The following PTPRD variants were observed in gnomAD, a reference collection of about 807,000 sequenced individuals.
PTPRD encodes receptor-type tyrosine-protein phosphatase delta.
Under a neutral mutation model 214.5 loss-of-function variants are expected in PTPRD, and 34 were observed. The ratio of observed to expected loss-of-function variants is 0.16; its 90% CI spans 0.12 to 0.21. The LOEUF (loss-of-function observed/expected upper bound fraction) is 0.21, where lower values mean the gene tolerates loss of function less well. Ranked by LOEUF, PTPRD falls within the 10% of genes least tolerant of loss-of-function variation. The pLI, the probability that PTPRD is intolerant of heterozygous loss-of-function variation, is 1.00. For synonymous variants in PTPRD, 1,128 were observed against 845.7 expected, an observed-to-expected ratio of 1.33 and a Z score of -5.79; for missense variants, 2,545 against 2,398.7, an observed-to-expected ratio of 1.06 and a Z score of -1.27.
chr9:9,328,148 C>A (rs1391219110), intron 9 of PTPRD, among the ~76,000 whole-genome samples: 1 of 151,936 alleles, frequency 6.6e-6, no homozygotes, highest in Non-Finnish European at 1.5e-5. Context: ...CATGACAAAT[C>A]AAAAATTTAA....
intron 9 of PTPRD, among the ~76,000 whole-genome samples, chr9:9,373,951 T>C (rs534086233): frequency 3.3e-5 from 5 of 152,202 alleles, no homozygotes; most frequent in Admixed American, 2.0e-4. Context: ...AAATATTTTC[T>C]CTTAATGTGT....
chr9:9,583,343 C>A lies in PTPRD; in HGVS notation c.-286-8562G>T, dbSNP rs1264776462. On this transcript the variant is annotated intron_variant, in intron 7 of 45. Transcript: ENST00000381196. ...TTAGGCATTACTACTCAGAAAAATGCCGCTCTAAATTATTCAAAACACTAA... is the reference window on the plus strand; with the variant it reads ...TTAGGCATTACTACTCAGAAAAATGACGCTCTAAATTATTCAAAACACTAA... Among the ~76,000 whole-genome samples, 6 of 151,948 alleles carry A rather than the reference C, an allele frequency of 3.9e-5. 1 individual carries two copies. Among genetic ancestry groups the A allele is most frequent in the South Asian group, 4.1e-4 (2 of 4,826 alleles).
At chr9:8,485,481 C>T (rs769487940) in intron 28 of PTPRD, 157 bp from the exon 29 acceptor site, 2 of 627,598 alleles carry the variant, frequency 3.2e-6, no homozygotes, top group Non-Finnish European at 5.5e-6. Context: ...CATTTTAATA[C>T]CCCATTCTCA....
chr9:9,420,116 T>G (rs1587906423), intron 8 of PTPRD, among the ~76,000 whole-genome samples: 1 of 122,268 alleles, frequency 8.2e-6, no homozygotes, highest in East Asian at 2.3e-4. Context: ...ACTATAATAT[T>G]TATAAAATTT....
chr9:8,961,941 A>T (rs183797560), intron 11 of PTPRD, among the ~76,000 whole-genome samples: 1 of 152,152 alleles, frequency 6.6e-6, no homozygotes, highest in Non-Finnish European at 1.5e-5. Context: ...AGCAATAATT[A>T]TATAGGAATA....
chr9:8,944,673 A>C (rs1455639770), intron 11 of PTPRD, among the ~76,000 whole-genome samples: 1 of 152,140 alleles, frequency 6.6e-6, no homozygotes, highest in Non-Finnish European at 1.5e-5. Context: ...TTGCATGTTC[A>C]CACTCATTTG....
intron 8 of PTPRD, among the ~76,000 whole-genome samples, chr9:9,438,619 T>C (rs2086255548): frequency 6.6e-6 from 1 of 152,182 alleles, no homozygotes; most frequent in Non-Finnish European, 1.5e-5. Flanking sequence ...TGGACTATGA[T>C]GCCGAGCTTT....
intron 8 of PTPRD, among the ~76,000 whole-genome samples, chr9:9,400,485 G>A (rs1236930041): frequency 1.3e-5 from 2 of 151,816 alleles, no homozygotes; most frequent in African/African-American, 2.4e-5. Flanking sequence ...ACGTATAATT[G>A]TTAACTGTGG....
At chr9:9,299,786 G>A (rs571673314) in intron 9 of PTPRD, among the ~76,000 whole-genome samples, 8 of 151,144 alleles carry the variant, frequency 5.3e-5, no homozygotes, top group East Asian at 2.0e-4. Flanking sequence ...GAAAAGACAC[G>A]CATGTGGGAT....
chr9:10,189,724 G>C (rs565836757), intron 3 of PTPRD, among the ~76,000 whole-genome samples: 9 of 152,080 alleles, frequency 5.9e-5, no homozygotes, highest in African/African-American at 2.2e-4. Context: ...GCAATTACAA[G>C]GCACTATAAG....
chr9:9,104,869 A>G (rs10977497), intron 10 of PTPRD, among the ~76,000 whole-genome samples: 19,351 of 152,182 alleles, frequency 0.13, 1,509 homozygotes, highest in East Asian at 0.23. Context: ...GATAATAGCC[A>G]CGAGTGAGAC....
rs546308327 is a variant in PTPRD at position 9,731,461 on chromosome 9, G to A, written c.-287+3072C>T. Reference sequence around the variant, plus strand: ...AGCAATTCTAGAAATGGAAATTTAAGGTTTTTTTTTAATTATACTTTAAGT... The same window carrying A: ...AGCAATTCTAGAAATGGAAATTTAAAGTTTTTTTTTAATTATACTTTAAGT... On this transcript the variant is annotated intron_variant, in intron 7 of 45. Transcript: ENST00000381196. Among the ~76,000 whole-genome samples the A allele has an allele frequency of 4.3e-5, 4 of 92,832 alleles. 1 individual carries two copies. In the South Asian group the frequency reaches 1.1e-3, roughly 26 times the overall value. 60.9% of individuals were successfully genotyped at this position (92,832 alleles called of 152,430 possible).
chr9:9,074,206 C>T (rs938766271), intron 10 of PTPRD, among the ~76,000 whole-genome samples: 13 of 152,002 alleles, frequency 8.6e-5, no homozygotes, highest in African/African-American at 3.1e-4. Context: ...ATATAGCTTC[C>T]TTTTTCCTGA....
rs552537941 is a variant in PTPRD, at chr9:9,129,270, A to G, written c.-143+54034T>C. On this transcript the variant is annotated intron_variant, in intron 10 of 45. Coordinates refer to ENST00000381196, the MANE Select transcript of PTPRD (RefSeq NM_002839.4). ...CCAGGCATGGTAGCGGGCGGCTGTA[A>G]TCCCAGCTACTTGGGAGGCTGAGGC... 7.2e-5 allele frequency among the ~76,000 whole-genome samples: 11 copies of G among 152,270 alleles called. No homozygotes were observed. In the South Asian group the frequency reaches 2.3e-3, roughly 32 times the overall value.
chr9:10,129,502 T>C (rs952626048), intron 3 of PTPRD, among the ~76,000 whole-genome samples: 1 of 106,246 alleles, frequency 9.4e-6, no homozygotes, highest in Non-Finnish European at 2.0e-5. Context: ...TTCTTTCCTT[T>C]TTTTTTTTTT....
At chr9:9,772,385 A>C (rs1211716315) in intron 5 of PTPRD, among the ~76,000 whole-genome samples, 1 of 152,242 alleles carries the variant, frequency 6.6e-6, no homozygotes, top group Non-Finnish European at 1.5e-5. Flanking sequence ...TAGTAAACTA[A>C]TACAACTGAT....
chr9:9,826,588 G>C (rs866617759), intron 5 of PTPRD, among the ~76,000 whole-genome samples: 18 of 151,928 alleles, frequency 1.2e-4, no homozygotes, highest in African/African-American at 3.9e-4. Context: ...TGGAAAAGTA[G>C]ATGTATACAT....
intron 12 of PTPRD, among the ~76,000 whole-genome samples, chr9:8,690,634 T>C (rs2097783947): frequency 1.3e-5 from 2 of 151,520 alleles, no homozygotes; most frequent in Non-Finnish European, 2.9e-5. Flanking sequence ...TGGAGCAAAA[T>C]GCCCAAAACG....
At chr9:9,823,038 T>C (rs2051340879) in intron 5 of PTPRD, among the ~76,000 whole-genome samples, 1 of 152,122 alleles carries the variant, frequency 6.6e-6, no homozygotes. Context: ...GCAGCACTAT[T>C]CACAATAGCC....
Sources: gnomAD v4.1 joint callset for allele counts (sites outside exome capture counted in the v4.1 genomes callset) on GRCh38, gnomAD v4.1.1 for gene constraint, MANE v1.5 for transcripts, NCBI Gene and HGNC (gene_info 2026-07-23, HGNC 2026-07-21) for gene names.